ASTN2: variants seen among roughly 807,000 people sequenced by gnomAD.
ASTN2 encodes astrotactin 2, also known as astrotactin-2.
In ASTN2, 54 loss-of-function variants were observed where a neutral mutation model predicts 139.8. The ratio of observed to expected loss-of-function variants is 0.39; its 90% CI spans 0.31 to 0.48. The LOEUF (loss-of-function observed/expected upper bound fraction) is 0.48, where lower values mean the gene tolerates loss of function less well. ASTN2 is among the 20% of genes least tolerant of loss of function. The pLI, the probability that ASTN2 is intolerant of heterozygous loss-of-function variation, is 0.95. For synonymous variants in ASTN2, 756 were observed against 719.5 expected, an observed-to-expected ratio of 1.05 and a Z score of -0.81; for missense variants, 1,565 against 1,725.1, an observed-to-expected ratio of 0.91 and a Z score of 1.64.
intron 5 of ASTN2, among the ~76,000 whole-genome samples, chr9:117,070,214 A>G (rs1828077169): frequency 7.6e-6 from 1 of 132,190 alleles, no homozygotes; most frequent in African/African-American, 2.9e-5. Flanking sequence ...GGTGGTGACA[A>G]AATCTCTCAG....
At chr9:116,651,914 T>G in intron 16 of ASTN2, 121 bp from the exon 17 acceptor site, 3 of 1,231,300 alleles carry the variant, frequency 2.4e-6, no homozygotes, top group Non-Finnish European at 3.3e-6. Flanking sequence ...AGTAAAAAGA[T>G]GATAGAGTGA....
intron 20 of ASTN2, among the ~76,000 whole-genome samples, chr9:116,454,575 T>C (rs972401696): frequency 2.6e-5 from 4 of 152,190 alleles, no homozygotes; most frequent in African/African-American, 9.7e-5. Flanking sequence ...CATGCTGCTA[T>C]AAAGGCACAT....
At chr9:117,364,231 C>T (rs2130900860) in intron 1 of ASTN2, among the ~76,000 whole-genome samples, 1 of 152,166 alleles carries the variant, frequency 6.6e-6, no homozygotes, top group South Asian at 2.1e-4. Context: ...AATTCAAGAC[C>T]AGGGAGATAG....
intron 19 of ASTN2, chr9:116,585,454 C>G (rs1448193102): frequency 6.6e-6 from 1 of 152,070 alleles, no homozygotes; most frequent in African/African-American, 2.4e-5. Flanking sequence ...ACCTTTATGA[C>G]TGATACAAAA....
At chr9:116,470,893 G>T (rs544673335) in intron 20 of ASTN2, among the ~76,000 whole-genome samples, 3 of 152,122 alleles carry the variant, frequency 2.0e-5, no homozygotes, top group Admixed American at 1.3e-4. Flanking sequence ...GCCTGCCATT[G>T]GTTACCTACA....
intron 17 of ASTN2, among the ~76,000 whole-genome samples, chr9:116,643,632 G>T (rs1857448227): frequency 6.6e-6 from 1 of 152,084 alleles, no homozygotes; most frequent in African/African-American, 2.4e-5. Context: ...TCCCTCATAA[G>T]TTGTTGGATG....
At chr9:117,186,581 T>A (rs934399057) in intron 3 of ASTN2, among the ~76,000 whole-genome samples, 2 of 151,720 alleles carry the variant, frequency 1.3e-5, no homozygotes, top group Non-Finnish European at 2.9e-5. Context: ...ATAAAATAAA[T>A]AAATAAAATA....
chr9:117,246,277 C>T (rs1277459560), intron 2 of ASTN2, among the ~76,000 whole-genome samples: 1 of 152,134 alleles, frequency 6.6e-6, no homozygotes, highest in African/African-American at 2.4e-5. Context: ...CAATGTGTCA[C>T]CAATAATTAC....
At chr9:117,382,694 C>G (rs1564176583) in intron 1 of ASTN2, among the ~76,000 whole-genome samples, 1 of 152,160 alleles carries the variant, frequency 6.6e-6, no homozygotes, top group Non-Finnish European at 1.5e-5. Flanking sequence ...GTTCTGAGCT[C>G]AAGCCCAGGC....
In ASTN2 at chr9:117,221,705, C is replaced by A. The variant is rs377280798; in HGVS notation, c.631-6963G>T. 7.2e-5 allele frequency among the ~76,000 whole-genome samples: 11 copies of A among 152,326 alleles called. No individual in the cohort carries two copies. The South Asian group carries it at 2.3e-3, about 32-fold the overall frequency. ...GAGAACTGGTGATCCACTGGGCCTT[C>A]TCTTGGCCACTTGCCTAATGACAGA... On this transcript the variant is annotated intron_variant, in intron 2 of 22. Coordinates refer to ENST00000313400, the MANE Select transcript of ASTN2 (RefSeq NM_001365068.1).
intron 2 of ASTN2, among the ~76,000 whole-genome samples, chr9:117,282,579 C>G (rs1834350239): frequency 1.3e-5 from 2 of 152,216 alleles, no homozygotes; most frequent in Admixed American, 1.3e-4. Context: ...AAAAGAATTG[C>G]ACACCCCTGC....
At chr9:116,988,723 G>T (rs944756374) in intron 7 of ASTN2, among the ~76,000 whole-genome samples, 1 of 152,048 alleles carries the variant, frequency 6.6e-6, no homozygotes. Context: ...AGCACAACCC[G>T]GTGTCTCATC....
intron 17 of ASTN2, among the ~76,000 whole-genome samples, chr9:116,647,519 C>T (rs1040078208): frequency 2.0e-5 from 3 of 152,156 alleles, no homozygotes; most frequent in African/African-American, 7.2e-5. Flanking sequence ...GCTGAGGGAA[C>T]CTGGCATGGA....
chr9:116,802,712 C>T (rs755242161), intron 13 of ASTN2, among the ~76,000 whole-genome samples: 1 of 152,218 alleles, frequency 6.6e-6, no homozygotes, highest in Non-Finnish European at 1.5e-5. Context: ...ATGGAAATGG[C>T]TGGCTTCTGT....
intron 16 of ASTN2, among the ~76,000 whole-genome samples, chr9:116,695,344 C>A (rs1424605306): frequency 3.9e-5 from 6 of 152,136 alleles, no homozygotes; most frequent in Non-Finnish European, 8.8e-5. Context: ...ATAATAGGCA[C>A]TAGATGCATA....
At chr9:116,607,427 C>T (rs1203658752) in intron 19 of ASTN2, among the ~76,000 whole-genome samples, 1 of 152,042 alleles carries the variant, frequency 6.6e-6, no homozygotes, top group Non-Finnish European at 1.5e-5. Flanking sequence ...AAGACAGAAG[C>T]ATGTATGTCA....
chr9:116,847,202 G>T (rs1268642329), intron 11 of ASTN2, among the ~76,000 whole-genome samples: 2 of 152,178 alleles, frequency 1.3e-5, no homozygotes, highest in Non-Finnish European at 2.9e-5. Context: ...TGCAACCTCT[G>T]CCTCCCTGGT....
intron 10 of ASTN2, among the ~76,000 whole-genome samples, chr9:116,948,785 G>GTTTTTTTTTTTGTTTTTTTTTTTTTTT (rs1835471236): frequency 6.1e-5 from 3 of 49,472 alleles, no homozygotes; most frequent in African/African-American, 2.6e-4. Context: ...ATAATTTGGT[G>GTTTTTTTTTTTGTTTTTTTTTTTTTTT]TTTTTTTTTT....
intron 19 of ASTN2, among the ~76,000 whole-genome samples, chr9:116,532,996 G>A (rs1851428368): frequency 6.6e-6 from 1 of 152,182 alleles, no homozygotes; most frequent in Admixed American, 6.5e-5. Context: ...CCATGAGCAT[G>A]GAATGTTCTT....
Sources: allele counts gnomAD v4.1 joint callset (sites outside exome capture counted in the v4.1 genomes callset), GRCh38; gene constraint gnomAD v4.1.1; transcripts MANE v1.5; gene names NCBI Gene and HGNC (gene_info 2026-07-23, HGNC 2026-07-21).